NRXN3: variants seen among roughly 807,000 people sequenced by gnomAD.
NRXN3 encodes neurexin III.
A neutral mutation model predicts 137.6 loss-of-function variants in NRXN3; 32 were observed. That is an observed-to-expected ratio of 0.23 (90% CI 0.18 to 0.31). The LOEUF (loss-of-function observed/expected upper bound fraction) is 0.31, where lower values mean the gene tolerates loss of function less well. Among genes scored for constraint, NRXN3 ranks in the 10% least tolerant of loss-of-function variants. The pLI, the probability that NRXN3 is intolerant of heterozygous loss-of-function variation, is 1.00. For synonymous variants in NRXN3, 798 were observed against 784.5 expected, an observed-to-expected ratio of 1.02 and a Z score of -0.29; for missense variants, 1,574 against 2,062.5, an observed-to-expected ratio of 0.76 and a Z score of 4.59.
At chr14:79,629,515 T>C (rs1364723291) in intron 16 of NRXN3, among the ~76,000 whole-genome samples, 2 of 152,180 alleles carry the variant, frequency 1.3e-5, no homozygotes, top group Non-Finnish European at 2.9e-5. Context: ...TTAATTAATG[T>C]TGAACTTTTC....
At chr14:78,377,648 G>A (rs1209831414) in intron 4 of NRXN3, among the ~76,000 whole-genome samples, 2 of 152,204 alleles carry the variant, frequency 1.3e-5, no homozygotes, top group Non-Finnish European at 2.9e-5. Flanking sequence ...GGTGTCAGAA[G>A]TTTGGTTTAT....
At chr14:78,798,779 G>A (rs577465447) in intron 8 of NRXN3, among the ~76,000 whole-genome samples, 2 of 152,326 alleles carry the variant, frequency 1.3e-5, no homozygotes, top group East Asian at 1.9e-4. Context: ...CTTGACTTCC[G>A]TGTACCCACA....
chr14:78,279,942 G>T (rs564002713), intron 3 of NRXN3, among the ~76,000 whole-genome samples: 1 of 152,290 alleles, frequency 6.6e-6, no homozygotes, highest in Admixed American at 6.5e-5. Context: ...GTAGAATACA[G>T]TTATTCTACT....
intron 4 of NRXN3, among the ~76,000 whole-genome samples, chr14:78,633,479 C>T (rs943545027): frequency 6.6e-6 from 1 of 152,118 alleles, no homozygotes; most frequent in Non-Finnish European, 1.5e-5. Flanking sequence ...ATATCCCATC[C>T]TCTTTCACCT....
Position 79,862,102 on chromosome 14 carries a change from A to G in NRXN3, c.*138A>G, listed in dbSNP as rs2099414699. 1.1e-5 allele frequency: 8 copies of G among 743,214 alleles called. No individual in the cohort carries two copies. In the South Asian group the frequency reaches 1.3e-4, roughly 12 times the overall value. 46.0% of individuals were successfully genotyped at this position (743,214 alleles called of 1,614,324 possible). A position where few individuals can be genotyped will look rare whatever the true frequency, so the allele number is the denominator to read the frequency against. On this transcript the variant is annotated 3_prime_UTR_variant, in exon 21 of 21. Transcript: ENST00000335750. ...GTATATAACCACGACTCTGGTGGGG[A>G]AAACCGTTTTTTAAAGGACACACAC...
In NRXN3 at chr14:78,841,683, T is replaced by C. The variant is rs150429079; in HGVS notation, c.2275+31339T>C. ...TTTTGTTTTTTCACTCTCCCTCCAG[T>C]GTCTAGCAAAAGCCTAACACACATT... On this transcript the variant is annotated intron_variant, in intron 10 of 20. Coordinates refer to ENST00000335750, the MANE Select transcript of NRXN3 (RefSeq NM_001330195.2). Among the ~76,000 whole-genome samples the C allele has an allele frequency of 2.3e-3, 348 of 152,230 alleles. 2 individuals carry two copies. The highest frequency in any genetic ancestry group is 8.2e-3 in the African/African-American group (339 of 41,556).
intron 4 of NRXN3, among the ~76,000 whole-genome samples, chr14:78,459,279 G>A (rs776693843): frequency 2.0e-5 from 3 of 152,142 alleles, no homozygotes; most frequent in Non-Finnish European, 2.9e-5. Flanking sequence ...TAGCCTCCTC[G>A]TGCCTCAGGT....
chr14:79,413,625 A>G (rs1189884174), intron 15 of NRXN3, among the ~76,000 whole-genome samples: 1 of 152,124 alleles, frequency 6.6e-6, no homozygotes, highest in Non-Finnish European at 1.5e-5. Flanking sequence ...CCCCAAGGAT[A>G]CAGGCACTTT....
At chr14:79,634,997 G>A (rs2098392515) in intron 16 of NRXN3, among the ~76,000 whole-genome samples, 1 of 152,138 alleles carries the variant, frequency 6.6e-6, no homozygotes, top group African/African-American at 2.4e-5. Flanking sequence ...ATGTTCTGGT[G>A]TTCTGTTGCA....
At chr14:78,973,971 C>T (rs2099454361) in intron 14 of NRXN3, among the ~76,000 whole-genome samples, 2 of 152,162 alleles carry the variant, frequency 1.3e-5, no homozygotes, top group Non-Finnish European at 2.9e-5. Flanking sequence ...CAGAATACAT[C>T]CACCAATGAA....
chr14:79,255,054 T>C (rs2076403158), intron 15 of NRXN3, among the ~76,000 whole-genome samples: 1 of 152,230 alleles, frequency 6.6e-6, no homozygotes, highest in Non-Finnish European at 1.5e-5. Flanking sequence ...TAGCATTCCT[T>C]CTTTCATAAC....
intron 8 of NRXN3, among the ~76,000 whole-genome samples, chr14:78,735,704 G>A (rs1174655052): frequency 1.3e-5 from 2 of 152,054 alleles, no homozygotes; most frequent in Non-Finnish European, 2.9e-5. Flanking sequence ...TCTCTCTAGG[G>A]GACAGTTGAT....
Position 79,242,347 on chromosome 14 carries a change from C to A in NRXN3, c.3263-224874C>A, listed in dbSNP as rs1328811260. On this transcript the variant is annotated intron_variant, in intron 15 of 20. Coordinates refer to ENST00000335750, the MANE Select transcript of NRXN3 (RefSeq NM_001330195.2). ...GCCAGATCTGAGGCCAAGCTAAGGG[C>A]AGAAAACAGGAGTCCTGGGCCACTC... 2.0e-5 allele frequency among the ~76,000 whole-genome samples: 3 copies of A among 152,206 alleles called. No homozygotes were observed. In the East Asian group the frequency reaches 5.8e-4, roughly 29 times the overall value.
chr14:79,279,121 T>TCACACACGCGCG (rs2080808442), intron 15 of NRXN3, among the ~76,000 whole-genome samples: 2 of 152,040 alleles, frequency 1.3e-5, no homozygotes, highest in African/African-American at 2.4e-5. Context: ...TCTGTCGGTG[T>TCACACACGCGCG]CACACACGCG....
Position 79,606,697 on chromosome 14 carries a change from A to G in NRXN3, c.3445-57081A>G, listed in dbSNP as rs540431340. Reference sequence around the variant, plus strand: ...GGTTGTGCACAGGTACTTATTGAGCATCTATTACGTGCCATAGAATATTCT... The same window carrying G: ...GGTTGTGCACAGGTACTTATTGAGCGTCTATTACGTGCCATAGAATATTCT... On this transcript the variant is annotated intron_variant, in intron 16 of 20. Transcript: ENST00000335750. Among the ~76,000 whole-genome samples the G allele has an allele frequency of 3.9e-5, 6 of 152,352 alleles. No individual in the cohort carries two copies. In the South Asian group the frequency reaches 8.3e-4, roughly 21 times the overall value.
At chr14:79,538,410 GT>G (rs1335787770) in intron 16 of NRXN3, among the ~76,000 whole-genome samples, 7 of 152,140 alleles carry the variant, frequency 4.6e-5, no homozygotes, top group African/African-American at 1.7e-4. Flanking sequence ...TTCTTCTAGG[GT>G]TTTTATGGTT....
At chr14:78,985,578 G>T (rs1307155722) in intron 14 of NRXN3, among the ~76,000 whole-genome samples, 2 of 152,302 alleles carry the variant, frequency 1.3e-5, no homozygotes, top group Admixed American at 6.5e-5. Context: ...GAAGGCGAAA[G>T]ATATGGAAAA....
At chr14:78,888,656 A>G (rs1204054600) in intron 10 of NRXN3, among the ~76,000 whole-genome samples, 3 of 152,002 alleles carry the variant, frequency 2.0e-5, no homozygotes, top group Admixed American at 6.6e-5. Flanking sequence ...TGGAACCCAC[A>G]AAGTTTATTC....
chr14:79,852,381 A>G (rs548367862), intron 20 of NRXN3, among the ~76,000 whole-genome samples: 3 of 151,958 alleles, frequency 2.0e-5, no homozygotes, highest in Non-Finnish European at 4.4e-5. Context: ...TCCTACCCCT[A>G]AACTGGTTTT....
Sources: allele counts gnomAD v4.1 joint callset (sites outside exome capture counted in the v4.1 genomes callset), GRCh38; gene constraint gnomAD v4.1.1; transcripts MANE v1.5; gene names NCBI Gene and HGNC (gene_info 2026-07-23, HGNC 2026-07-21).